POC1B: variants seen among roughly 807,000 people sequenced by gnomAD.
POC1B encodes POC1 centriolar protein homolog B.
Under a neutral mutation model 60.6 loss-of-function variants are expected in POC1B, and 44 were observed. That is an observed-to-expected ratio of 0.73 (90% CI 0.57 to 0.93). The LOEUF is 0.93. Ranked by LOEUF, POC1B falls within the 40% of genes least tolerant of loss-of-function variation. The pLI is 0.00. For missense variants in POC1B, 555 were observed against 572.3 expected (o/e 0.97, Z 0.31); for synonymous variants, 180 against 198.9 (o/e 0.90, Z 0.80).
chr12:89,507,289 A>AC (rs1869951853), intron 2 of POC1B, among the ~76,000 whole-genome samples: 1 of 150,722 alleles, frequency 6.6e-6, no homozygotes, highest in Non-Finnish European at 1.5e-5. Flanking sequence ...AAAAAAAAAA[A>AC]AAACTATGAA....
At chr12:89,439,657 T>A (rs1292136438) in intron 10 of POC1B, among the ~76,000 whole-genome samples, 3 of 152,152 alleles carry the variant, frequency 2.0e-5, no homozygotes, top group Non-Finnish European at 2.9e-5. Context: ...CAGGCTGGAG[T>A]GAAGTGGCAT....
the POC1B span, among the ~76,000 whole-genome samples, chr12:89,406,575 T>C: frequency 6.6e-6 from 1 of 152,238 alleles, no homozygotes; most frequent in South Asian, 2.1e-4. Context: ...CTGGCACGAA[T>C]CCATCACTGT....
At position 89,525,220 on chromosome 12, in the gene POC1B, G is replaced by T; in HGVS notation, c.16-16C>A. 6.3e-7 allele frequency: 1 copy of T among 1,599,596 alleles called. No individual in the cohort carries two copies. The highest frequency in any genetic ancestry group is 8.5e-7 in the Non-Finnish European group (1 of 1,172,890). ...CGGGGTCCTCCTGGAAAGGAAAGTTGTCAAGTTTTGAAAGCCGCCGCAGAC... is the reference window on the plus strand; with the variant it reads ...CGGGGTCCTCCTGGAAAGGAAAGTTTTCAAGTTTTGAAAGCCGCCGCAGAC... On this transcript the variant is annotated splice_polypyrimidine_tract_variant and intron_variant, in intron 1 of 11. Transcript: ENST00000313546.
intron 2 of POC1B, among the ~76,000 whole-genome samples, chr12:89,510,048 C>T (rs1225576082): frequency 6.6e-6 from 1 of 152,098 alleles, no homozygotes; most frequent in African/African-American, 2.4e-5. Flanking sequence ...AGGGTTTCAG[C>T]ATATTGTCCA....
rs199792533 is a variant in POC1B at position 89,523,588 on chromosome 12, A to T, written c.100+1532T>A. On this transcript the variant is annotated intron_variant, in intron 2 of 11. Transcript: ENST00000313546. ...TGTGTCATACGTTCCAAGGTACTGA[A>T]AATATTTCTTGCTGACAGCAAACAG... The T allele has an allele frequency of 4.0e-4, 629 of 1,571,246 alleles. 4 individuals are homozygous for T. The African/African-American group carries it at 7.7e-3, about 19-fold the overall frequency.
chr12:89,500,665 T>C, intron 2 of POC1B: 1 of 1,553,768 alleles, frequency 6.4e-7, no homozygotes, highest in Non-Finnish European at 8.9e-7. Flanking sequence ...ATTCAGTAAA[T>C]ATGCTGCCTT....
intron 10 of POC1B, among the ~76,000 whole-genome samples, chr12:89,455,290 G>A (rs1381163155): frequency 1.3e-5 from 2 of 152,172 alleles, no homozygotes; most frequent in Non-Finnish European, 2.9e-5. Context: ...AGCCGAGACA[G>A]TGCCACTGCA....
At chr12:89,515,235 T>C (rs1250494403) in intron 2 of POC1B, among the ~76,000 whole-genome samples, 3 of 152,116 alleles carry the variant, frequency 2.0e-5, no homozygotes, top group Non-Finnish European at 2.9e-5. Context: ...GACAGAAATC[T>C]CTAATTGGGG....
chr12:89,439,344 C>T (rs2120715468), intron 10 of POC1B, among the ~76,000 whole-genome samples: 1 of 152,278 alleles, frequency 6.6e-6, no homozygotes, highest in East Asian at 1.9e-4. Flanking sequence ...CAGACACAGC[C>T]TTTGTATATA....
chr12:89,477,779 G>A (rs1032213385), intron 4 of POC1B, among the ~76,000 whole-genome samples: 8 of 152,144 alleles, frequency 5.3e-5, no homozygotes, highest in East Asian at 1.9e-4. Context: ...GTGGTTTCAC[G>A]TTTCCTTTGG....
At position 89,470,453 on chromosome 12, in the gene POC1B, C is replaced by A. The variant is rs1219460585; in HGVS notation, c.718G>T (p.Gly240Cys). 2.4e-5 allele frequency: 38 copies of A among 1,606,474 alleles called. No homozygotes were observed. The highest frequency in any genetic ancestry group is 3.1e-5 in the Non-Finnish European group (37 of 1,174,694). Residue 240 changes from glycine to cysteine, a missense_variant, in exon 7 of 12, where the codon GGT becomes TGT. By Grantham distance (159) the Gly-to-Cys change is radical. Coordinates refer to ENST00000313546, the MANE Select transcript of POC1B (RefSeq NM_172240.3). ...GVNCISFHPSGNYLITASSDG... is the reference protein window; with the variant it reads ...GVNCISFHPSCNYLITASSDG... Reference sequence around the variant, plus strand: ...GAAGAAGCTGTGATGAGATAGTTACCCGAAGGATGGAATGATATGCAATTA... The same window carrying A: ...GAAGAAGCTGTGATGAGATAGTTACACGAAGGATGGAATGATATGCAATTA...
At chr12:89,470,594 G>T in intron 6 of POC1B, 100 bp from the exon 7 acceptor site, 1 of 1,003,292 alleles carries the variant, frequency 1.0e-6, no homozygotes, top group Non-Finnish European at 1.4e-6. Flanking sequence ...CAAGAGCACT[G>T]TTTCCACAAC....
intron 4 of POC1B, among the ~76,000 whole-genome samples, chr12:89,491,028 A>C (rs1868937962): frequency 1.3e-5 from 2 of 152,032 alleles, no homozygotes; most frequent in African/African-American, 4.8e-5. Context: ...TGTAGGTCAA[A>C]GAGAGGAGGG....
intron 2 of POC1B, chr12:89,519,939 T>C (rs550723367): frequency 1.4e-4 from 22 of 152,332 alleles, no homozygotes; most frequent in African/African-American, 4.8e-4. Context: ...TTTAAGCATA[T>C]ACATTAACTT....
Position 89,425,322 on chromosome 12 carries a change from A to G in POC1B, c.1171T>C (p.Phe391Leu). 6.2e-7 allele frequency: 1 copy of G among 1,614,140 alleles called. No individual in the cohort carries two copies. ...PDKGEEACGYFLNPSLMSPEC... is the reference protein window; with the variant it reads ...PDKGEEACGYLLNPSLMSPEC... ...GGTGACATTAAGGAAGGGTTCAAGA[A>G]ATATCCACAGGCCTCTTCACCCTTG... Residue 391 changes from phenylalanine (F) to leucine (L), a missense_variant, in exon 11 of 12, where the codon TTC becomes CTC. By Grantham distance (22) the Phe-to-Leu change is conservative. Transcript: ENST00000313546.
chr12:89,423,992 C>T (rs7970538), intron 11 of POC1B, among the ~76,000 whole-genome samples: 1,925 of 152,196 alleles, frequency 0.013, 52 homozygotes, highest in African/African-American at 0.044. Flanking sequence ...GGGAAGAGGG[C>T]AATGGCCTTT....
chr12:89,401,898 T>C, the POC1B span, among the ~76,000 whole-genome samples: 3 of 152,252 alleles, frequency 2.0e-5, no homozygotes, highest in Non-Finnish European at 2.9e-5. Context: ...GTTGACCTAA[T>C]GCAAACAACG....
chr12:89,453,616 C>T (rs1592597342), intron 10 of POC1B, among the ~76,000 whole-genome samples: 1 of 152,188 alleles, frequency 6.6e-6, no homozygotes, highest in Admixed American at 6.5e-5. Flanking sequence ...TAAACTGCTG[C>T]AAAGTTTAAA....
chr12:89,424,858 A>G (rs1880691787), intron 11 of POC1B, among the ~76,000 whole-genome samples: 2 of 152,252 alleles, frequency 1.3e-5, no homozygotes, highest in South Asian at 4.1e-4. Context: ...AACTATAAAC[A>G]TTAGCAATAT....
Sources: gnomAD v4.1 joint callset for allele counts (sites outside exome capture counted in the v4.1 genomes callset) on GRCh38, gnomAD v4.1.1 for gene constraint, MANE v1.5 for transcripts, NCBI Gene and HGNC (gene_info 2026-07-23, HGNC 2026-07-21) for gene names.